Variants in RAP1GAP2 observed in about 807,000 individuals in gnomAD.
RAP1GAP2 encodes rap1 GTPase-activating protein 2.
RAP1GAP2 carries 27 observed loss-of-function variants against 95.0 expected under a neutral mutation model. That is an observed-to-expected ratio of 0.28 (90% CI 0.21 to 0.39). The LOEUF (loss-of-function observed/expected upper bound fraction) is 0.39, where lower values mean the gene tolerates loss of function less well. RAP1GAP2 is among the 10% of genes least tolerant of loss of function. The pLI, the probability that RAP1GAP2 is intolerant of heterozygous loss-of-function variation, is 1.00. For missense variants in RAP1GAP2, 771 were observed against 970.0 expected (o/e 0.79, Z 2.72); for synonymous variants, 373 against 380.9 (o/e 0.98, Z 0.24).
At position 3,020,481 on chromosome 17, in the gene RAP1GAP2, C is replaced by T. The variant is rs200375904; in HGVS notation, c.1637C>T (p.Pro546Leu). Residue 546 changes from proline to leucine, a missense_variant, in exon 19 of 25, where the codon CCA (proline) becomes CTA (leucine). Transcript: ENST00000254695. ...MEVTKTTFSP[P>L]VVAATVKNQS... ...TTTTGGCAATTTCATCGACAGCCTC[C>T]AGTGGTGGCGGCAACGGTGAAGAAC... 1.2e-6 allele frequency: 2 copies of T among 1,613,442 alleles called. No homozygotes were observed. The highest frequency in any genetic ancestry group is 1.1e-5 in the South Asian group (1 of 91,014).
intron 1 of RAP1GAP2, among the ~76,000 whole-genome samples, chr17:2,769,428 G>A (rs765167388): frequency 6.6e-6 from 1 of 151,184 alleles, no homozygotes; most frequent in South Asian, 2.1e-4. Context: ...GGCGGTGGGC[G>A]CCTGTAGTCC....
intron 12 of RAP1GAP2, 116 bp downstream of exon 12, chr17:2,991,513 A>G (rs1194946435): frequency 1.3e-6 from 1 of 771,050 alleles, no homozygotes. Context: ...GAAATGAGGG[A>G]TGGCTTTTCA....
chr17:3,022,010 G>T (rs1404929891), intron 19 of RAP1GAP2, among the ~76,000 whole-genome samples: 1 of 152,180 alleles, frequency 6.6e-6, no homozygotes, highest in East Asian at 1.9e-4. Flanking sequence ...CCTGCAGGGG[G>T]ATTGCTAGAT....
intron 2 of RAP1GAP2, among the ~76,000 whole-genome samples, chr17:2,805,174 G>A (rs1418478940): frequency 6.6e-6 from 1 of 152,172 alleles, no homozygotes; most frequent in Admixed American, 6.5e-5. Context: ...ACATGCAGGT[G>A]GAAGGAAGGA....
intron 2 of RAP1GAP2, among the ~76,000 whole-genome samples, chr17:2,830,952 C>CTT (rs2070806938): frequency 1.2e-5 from 1 of 86,930 alleles, no homozygotes; most frequent in Admixed American, 1.2e-4. Flanking sequence ...TCCCTCCCTT[C>CTT]CCCTCCCCTC....
intron 1 of RAP1GAP2, among the ~76,000 whole-genome samples, chr17:2,769,573 G>A (rs1442670942): frequency 6.6e-6 from 1 of 150,802 alleles, no homozygotes; most frequent in East Asian, 1.9e-4. Flanking sequence ...AAAATAAAAT[G>A]AAATAACATA....
chr17:2,853,896 G>C, intron 2 of RAP1GAP2: 1 of 974,158 alleles, frequency 1.0e-6, no homozygotes, highest in Non-Finnish European at 1.2e-6. Context: ...GGCGGAGGCC[G>C]GGGGCCGGGG....
In RAP1GAP2 at chr17:2,866,999, C is replaced by G. The variant is rs114469438; in HGVS notation, c.81-38285C>G. On this transcript the variant is annotated intron_variant, in intron 2 of 24. Transcript: ENST00000254695. The surrounding 1 kb of genome is among the most constrained non-coding windows in gnomAD (Gnocchi z 4.0). ...CACTGCAACCTCCACCTCTCAGGTT[C>G]GAATGATTCTTCTGCCTCATTCTCC... Among the ~76,000 whole-genome samples, 1 of 152,146 alleles carries G rather than the reference C, an allele frequency of 6.6e-6. No individual in the cohort carries two copies. Among genetic ancestry groups the G allele is most frequent in the Non-Finnish European group, 1.5e-5 (1 of 68,036 alleles).
chr17:3,028,642 C>A (rs948140554), intron 22 of RAP1GAP2, among the ~76,000 whole-genome samples: 1 of 152,160 alleles, frequency 6.6e-6, no homozygotes, highest in African/African-American at 2.4e-5. Context: ...CCTTTGCATG[C>A]GTGTTTCTCA....
chr17:2,915,934 G>A (rs1315868837), intron 3 of RAP1GAP2, among the ~76,000 whole-genome samples: 3 of 151,882 alleles, frequency 2.0e-5, no homozygotes, highest in East Asian at 1.9e-4. Context: ...TCCTGATCTC[G>A]TGATCCGCCC....
chr17:2,928,858 A>G (rs1037482666), intron 3 of RAP1GAP2, among the ~76,000 whole-genome samples: 2 of 152,082 alleles, frequency 1.3e-5, no homozygotes, highest in African/African-American at 4.8e-5. Context: ...AGCCTCATGC[A>G]GACTATCATC....
At position 3,036,202 on chromosome 17, in the gene RAP1GAP2, T is replaced by C. The variant is rs1038457680; in HGVS notation, c.*2841T>C. The C allele has an allele frequency of 6.6e-6, 1 of 152,252 alleles. No individual in the cohort carries two copies. Among genetic ancestry groups the C allele is most frequent in the African/African-American group, 2.4e-5 (1 of 41,456 alleles). 9.4% of individuals were successfully genotyped at this position (152,252 alleles called of 1,614,324 possible). On this transcript the variant is annotated 3_prime_UTR_variant, in exon 25 of 25. Coordinates refer to ENST00000254695, the MANE Select transcript of RAP1GAP2 (RefSeq NM_015085.5). ...CAGTGGTTCAGCTTTGTCAGCATCA[T>C]CTCAACACAAGCCTGCTGGCTCTTT...
At chr17:2,864,023 T>G (rs1225605970) in intron 2 of RAP1GAP2, among the ~76,000 whole-genome samples, 10 of 151,398 alleles carry the variant, frequency 6.6e-5, no homozygotes, top group Admixed American at 6.6e-4. Flanking sequence ...CTGCACTCCA[T>G]CCTGGGCCAC....
intron 2 of RAP1GAP2, among the ~76,000 whole-genome samples, chr17:2,844,664 G>T (rs886188776): frequency 2.0e-5 from 3 of 152,140 alleles, no homozygotes; most frequent in Admixed American, 2.0e-4. Flanking sequence ...CTTAATGTCG[G>T]GGTGGGAAGG....
At chr17:2,876,543 A>C (rs2151655120) in intron 2 of RAP1GAP2, among the ~76,000 whole-genome samples, 1 of 152,282 alleles carries the variant, frequency 6.6e-6, no homozygotes, top group Non-Finnish European at 1.5e-5. Context: ...AAGACCTGGA[A>C]TCCATAGAAA....
At chr17:2,802,895 C>T (rs563453233) in intron 2 of RAP1GAP2, among the ~76,000 whole-genome samples, 67 of 152,270 alleles carry the variant, frequency 4.4e-4, no homozygotes, top group South Asian at 1.0e-3. Flanking sequence ...GCAAGTCACC[C>T]GGGACAAGAT....
At chr17:2,840,561 C>T (rs1355715364) in intron 2 of RAP1GAP2, among the ~76,000 whole-genome samples, 1 of 152,096 alleles carries the variant, frequency 6.6e-6, no homozygotes, top group African/African-American at 2.4e-5. Flanking sequence ...GTTTCCCAGG[C>T]TGGGCTCAAA....
At chr17:2,785,032 T>C (rs141778368) in intron 1 of RAP1GAP2, among the ~76,000 whole-genome samples, 1,745 of 152,270 alleles carry the variant, frequency 0.011, 23 homozygotes, top group African/African-American at 0.04. Flanking sequence ...GCCTGCGGCA[T>C]CATCCCCCTG....
At chr17:2,911,337 A>C (rs978673101) in intron 3 of RAP1GAP2, among the ~76,000 whole-genome samples, 7 of 149,118 alleles carry the variant, frequency 4.7e-5, no homozygotes, top group Non-Finnish European at 1.0e-4. Context: ...ATAAGATCCC[A>C]GTTCCCAGCC....
Sources: allele counts gnomAD v4.1 joint callset (sites outside exome capture counted in the v4.1 genomes callset), GRCh38; gene constraint gnomAD v4.1.1; non-coding constraint Gnocchi (gnomAD v3.1); transcripts MANE v1.5; gene names NCBI Gene and HGNC (gene_info 2026-07-23, HGNC 2026-07-21).